Variants in GNAT3 observed in about 807,000 individuals in gnomAD.
GNAT3 encodes the protein G protein subunit alpha transducin 3, also known as guanine nucleotide-binding protein G(t) subunit alpha-3.
A neutral mutation model predicts 37.7 loss-of-function variants in GNAT3; 31 were observed. The ratio of observed to expected loss-of-function variants is 0.82; its 90% CI spans 0.62 to 1.11. GNAT3 has a LOEUF of 1.11. Ranked by LOEUF, GNAT3 falls within the 50% of genes most tolerant of loss-of-function variation. The probability of loss-of-function intolerance (pLI) is 0.00; values close to 1 mark genes in which losing one functional copy is unlikely to be tolerated. For synonymous variants in GNAT3, 138 were observed against 139.8 expected (o/e 0.99, Z 0.09); for missense variants, 437 against 412.5 (o/e 1.06, Z -0.51).
At chr7:80,463,043 C>T (rs902658344) in intron 5 of GNAT3, among the ~76,000 whole-genome samples, 9 of 152,104 alleles carry the variant, frequency 5.9e-5, no homozygotes, top group Non-Finnish European at 1.3e-4. Flanking sequence ...TTAAGTCTTT[C>T]TACATTCATT....
intron 5 of GNAT3, among the ~76,000 whole-genome samples, chr7:80,471,247 G>A (rs915205479): frequency 3.4e-5 from 5 of 149,250 alleles, no homozygotes; most frequent in African/African-American, 7.4e-5. Context: ...ATTAGATTGT[G>A]CCCACCCAGA....
In GNAT3 at chr7:80,507,460, T is replaced by C. The variant is rs141732659; in HGVS notation, c.118+4349A>G. 3.9e-3 allele frequency among the ~76,000 whole-genome samples: 594 copies of C among 152,178 alleles called. 5 individuals carry two copies. The highest frequency in any genetic ancestry group is 0.013 in the African/African-American group (560 of 41,580). On this transcript the variant is annotated intron_variant, in intron 1 of 7. Coordinates refer to ENST00000398291, the MANE Select transcript of GNAT3 (RefSeq NM_001102386.3). ...AAGGAAGAATAATGATACACATTTA[T>C]TGACATTTGATTTATTTCATATTTG...
intron 5 of GNAT3, 62 bp from the exon 6 acceptor site, chr7:80,462,693 G>T (rs1401022462): frequency 3.6e-6 from 5 of 1,398,712 alleles, no homozygotes; most frequent in Non-Finnish European, 5.0e-6. Flanking sequence ...GTGCATTGAG[G>T]TTAACATTTA....
intron 1 of GNAT3, among the ~76,000 whole-genome samples, chr7:80,506,457 A>T (rs960002742): frequency 6.6e-6 from 1 of 152,204 alleles, no homozygotes; most frequent in African/African-American, 2.4e-5. Context: ...CTTGTTGGAA[A>T]AGAGGGAAAT....
intron 7 of GNAT3, among the ~76,000 whole-genome samples, chr7:80,460,831 T>C (rs1790036012): frequency 6.6e-6 from 1 of 151,986 alleles, no homozygotes; most frequent in African/African-American, 2.4e-5. Flanking sequence ...AATTGTAACA[T>C]ATGTACCACA....
intron 1 of GNAT3, among the ~76,000 whole-genome samples, chr7:80,502,186 C>A (rs900299554): frequency 1.3e-5 from 2 of 151,952 alleles, no homozygotes; most frequent in African/African-American, 4.8e-5. Context: ...GAGAAGTCTA[C>A]TGTGTGGATT....
chr7:80,509,469 G>T (rs1791014402), intron 1 of GNAT3, among the ~76,000 whole-genome samples: 1 of 152,062 alleles, frequency 6.6e-6, no homozygotes, highest in Non-Finnish European at 1.5e-5. Context: ...GAAATTGTAT[G>T]TATAAAATTG....
At chr7:80,479,123 C>G in intron 3 of GNAT3, 125 bp from the exon 4 acceptor site, 1 of 713,954 alleles carries the variant, frequency 1.4e-6, no homozygotes, top group Non-Finnish European at 2.2e-6. Context: ...CACCAAACAT[C>G]TTTTTGAACT....
intron 4 of GNAT3, among the ~76,000 whole-genome samples, chr7:80,475,021 T>C (rs1195028685): frequency 6.6e-6 from 1 of 152,106 alleles, no homozygotes; most frequent in African/African-American, 2.4e-5. Flanking sequence ...ACCATTTGTC[T>C]CTCTTCCTGG....
chr7:80,506,815 T>A (rs1018786063), intron 1 of GNAT3, among the ~76,000 whole-genome samples: 1 of 152,156 alleles, frequency 6.6e-6, no homozygotes, highest in Non-Finnish European at 1.5e-5. Context: ...ATATATACAT[T>A]GTGAAATTGT....
chr7:80,504,832 C>A (rs1049636587), intron 1 of GNAT3, among the ~76,000 whole-genome samples: 2 of 151,784 alleles, frequency 1.3e-5, no homozygotes, highest in Non-Finnish European at 2.9e-5. Context: ...TATTAGTGAT[C>A]ATCTAGGGTG....
At chr7:80,462,088 C>A in intron 7 of GNAT3, 71 bp downstream of exon 7, 2 of 989,926 alleles carry the variant, frequency 2.0e-6, no homozygotes, top group Middle Eastern at 3.2e-4. Context: ...TATTAAATGT[C>A]AAGATCCAGA....
intron 4 of GNAT3, 76 bp downstream of exon 4, chr7:80,478,765 A>G: frequency 7.1e-7 from 1 of 1,403,844 alleles, no homozygotes; most frequent in African/African-American, 1.4e-5. Flanking sequence ...GAATTTACAA[A>G]TGCAAAGTAT....
chr7:80,498,195 C>T (rs1316954480), intron 1 of GNAT3, among the ~76,000 whole-genome samples: 1 of 152,024 alleles, frequency 6.6e-6, no homozygotes, highest in African/African-American at 2.4e-5. Context: ...ATTTGGTAAT[C>T]ATACAGATAA....
intron 5 of GNAT3, among the ~76,000 whole-genome samples, chr7:80,465,785 T>C (rs887864662): frequency 2.6e-5 from 4 of 152,078 alleles, no homozygotes; most frequent in African/African-American, 9.7e-5. Flanking sequence ...TCTGGGAGGT[T>C]TCGTTCTTTT....
intron 5 of GNAT3, among the ~76,000 whole-genome samples, chr7:80,468,788 C>T (rs966845536): frequency 6.6e-6 from 1 of 152,036 alleles, no homozygotes; most frequent in African/African-American, 2.4e-5. Context: ...GAGCCAAGCT[C>T]TCCAAATCAT....
intron 3 of GNAT3, among the ~76,000 whole-genome samples, chr7:80,486,964 A>C (rs927131153): frequency 6.6e-6 from 1 of 152,116 alleles, no homozygotes; most frequent in Admixed American, 6.6e-5. Context: ...AGGAATTCAG[A>C]GGGTACGTCT....
At chr7:80,460,630 C>T (rs550924181) in intron 7 of GNAT3, among the ~76,000 whole-genome samples, 1 of 152,162 alleles carries the variant, frequency 6.6e-6, no homozygotes, top group South Asian at 2.1e-4. Flanking sequence ...CACCTGTAAT[C>T]CCAGCTACTC....
At chr7:80,487,454 T>A (rs867067265) in intron 3 of GNAT3, among the ~76,000 whole-genome samples, 1 of 152,168 alleles carries the variant, frequency 6.6e-6, no homozygotes, top group Admixed American at 6.6e-5. Context: ...ATTTCCTTGT[T>A]CTTTGAAGAA....
Sources: gnomAD v4.1 joint callset for allele counts (sites outside exome capture counted in the v4.1 genomes callset) on GRCh38, gnomAD v4.1.1 for gene constraint, MANE v1.5 for transcripts, NCBI Gene and HGNC (gene_info 2026-07-23, HGNC 2026-07-21) for gene names.